ADAM32: variants seen among roughly 807,000 people sequenced by gnomAD.
The protein encoded by ADAM32 is disintegrin and metalloproteinase domain-containing protein 32.
Under a neutral mutation model 114.9 loss-of-function variants are expected in ADAM32, and 89 were observed. The ratio of observed to expected loss-of-function variants is 0.77; its 90% confidence interval spans 0.65 to 0.92. ADAM32 has a LOEUF of 0.92. Among genes scored for constraint, ADAM32 ranks in the 40% least tolerant of loss-of-function variants. The pLI, the probability that ADAM32 is intolerant of heterozygous loss-of-function variation, is 0.00. For synonymous variants in ADAM32, 285 were observed against 307.5 expected, an observed-to-expected ratio of 0.93 and a Z score of 0.77; for missense variants, 870 against 932.8, an observed-to-expected ratio of 0.93 and a Z score of 0.88.
rs1162023223 is a variant in ADAM32 at position 39,164,824 on chromosome 8, C to T, written c.655C>T (p.Leu219Phe). 1 of 1,606,002 alleles carries T rather than the reference C, an allele frequency of 6.2e-7. No individual in the cohort carries two copies. The highest frequency in any genetic ancestry group is 1.7e-5 in the Admixed American group (1 of 59,136). The change falls in exon 8 of 25, where the codon CTT becomes TTT. Residue 219 changes from leucine to phenylalanine, a missense_variant. Coordinates refer to ENST00000379907, the MANE Select transcript of ADAM32 (RefSeq NM_145004.7). Reference protein sequence around the residue: ...VTNKVIEIVGLANSMFTQFKV... With the variant: ...VTNKVIEIVGFANSMFTQFKV... The stretch of plus-strand genomic sequence containing the variant: ...AAATAAAGTCATCGAAATTGTTGGC[C>T]TTGCAAATTCAGTAAGTGTTTTCCT...
chr8:39,111,737 A>G (rs1454510708), intron 1 of ADAM32, among the ~76,000 whole-genome samples: 1 of 151,488 alleles, frequency 6.6e-6, no homozygotes, highest in African/African-American at 2.4e-5. Flanking sequence ...AAAAAAAAAA[A>G]AAAAAGGAAA....
At chr8:39,235,007 C>T (rs1016111998) in intron 16 of ADAM32, among the ~76,000 whole-genome samples, 8 of 152,280 alleles carry the variant, frequency 5.3e-5, no homozygotes, top group South Asian at 2.1e-4. Context: ...CCCCCCGCCC[C>T]TCTCTGTCTG....
chr8:39,251,204 G>A (rs1307243779), intron 17 of ADAM32, among the ~76,000 whole-genome samples: 1 of 151,816 alleles, frequency 6.6e-6, no homozygotes, highest in Non-Finnish European at 1.5e-5. Flanking sequence ...TAGAATTGCT[G>A]GGTCATATAG....
At chr8:39,187,203 T>G (rs1806296850) in intron 11 of ADAM32, among the ~76,000 whole-genome samples, 158 bp downstream of exon 11, 1 of 152,226 alleles carries the variant, frequency 6.6e-6, no homozygotes, top group African/African-American at 2.4e-5. Flanking sequence ...GTATAAAGTA[T>G]AAACTAAAGA....
intron 19 of ADAM32, among the ~76,000 whole-genome samples, 170 bp downstream of exon 19, chr8:39,257,513 C>T (rs1242253773): frequency 6.6e-6 from 1 of 151,994 alleles, no homozygotes; most frequent in South Asian, 2.1e-4. Flanking sequence ...ATTTTTAAGA[C>T]ACAAAGATTT....
At chr8:39,278,419 C>T (rs1401409418) in intron 22 of ADAM32, among the ~76,000 whole-genome samples, 1 of 152,174 alleles carries the variant, frequency 6.6e-6, no homozygotes, top group Non-Finnish European at 1.5e-5. Flanking sequence ...CCTAGAATTT[C>T]TCTGCCACCT....
chr8:39,124,199 C>A lies in ADAM32; in HGVS notation c.138+6034C>A, dbSNP rs189511498. On this transcript the variant is annotated intron_variant, in intron 2 of 24. Coordinates refer to ENST00000379907, the MANE Select transcript of ADAM32 (RefSeq NM_145004.7). ...CCTCCCCCAGCTCTCTGACAGGGCC[C>A]ATTGTGTGTTTTTCCCCACTATGCG... Among the ~76,000 whole-genome samples, 436 of 152,112 alleles carry A rather than the reference C, an allele frequency of 2.9e-3. 5 individuals are homozygous for A. Among genetic ancestry groups the A allele is most frequent in the African/African-American group, 0.01 (417 of 41,508 alleles).
At chr8:39,230,397 T>C (rs1809661167) in intron 14 of ADAM32, among the ~76,000 whole-genome samples, 1 of 152,218 alleles carries the variant, frequency 6.6e-6, no homozygotes, top group South Asian at 2.1e-4. Flanking sequence ...TAACTTTAGA[T>C]GCCACACGTA....
chr8:39,244,867 G>A (rs1413525904), intron 16 of ADAM32, among the ~76,000 whole-genome samples: 11 of 152,100 alleles, frequency 7.2e-5, no homozygotes, highest in South Asian at 2.1e-4. Flanking sequence ...AAGATGTGTC[G>A]AAGACTTAAA....
chr8:39,183,194 T>C (rs539488505), intron 10 of ADAM32, among the ~76,000 whole-genome samples: 1 of 152,292 alleles, frequency 6.6e-6, no homozygotes, highest in East Asian at 1.9e-4. Context: ...GGCACCTCCA[T>C]TGGCCAGAAT....
intron 2 of ADAM32, among the ~76,000 whole-genome samples, chr8:39,128,634 T>G (rs1428526217): frequency 6.6e-6 from 1 of 152,160 alleles, no homozygotes; most frequent in African/African-American, 2.4e-5. Flanking sequence ...TACTTCAGTG[T>G]TTTTGTAGTG....
At chr8:39,245,934 C>A in intron 16 of ADAM32, 149 bp from the exon 17 acceptor site, 1 of 593,686 alleles carries the variant, frequency 1.7e-6, no homozygotes, top group Admixed American at 3.4e-5. Flanking sequence ...AAATAAAACA[C>A]CCTTCTGGAA....
chr8:39,193,845 C>T (rs1307981130), intron 11 of ADAM32, among the ~76,000 whole-genome samples: 1 of 152,128 alleles, frequency 6.6e-6, no homozygotes, highest in East Asian at 1.9e-4. Context: ...TTCTCTGGCT[C>T]CTTGAGATTA....
chr8:39,174,976 ACT>A lies in ADAM32; in HGVS notation c.915+4984_915+4985del, dbSNP rs1805432167. ...TGAGTGGGAGTTCATTCATGATTTCACTCTCTGCTTTTCTGTTGTTGGTGTAG... is the reference window on the plus strand; with the variant it reads ...TGAGTGGGAGTTCATTCATGATTTCACTCTGCTTTTCTGTTGTTGGTGTAG... On this transcript the variant is annotated intron_variant, in intron 10 of 24. Transcript: ENST00000379907. 2.0e-5 allele frequency among the ~76,000 whole-genome samples: 3 copies of A among 150,450 alleles called. No homozygotes were observed. The South Asian group carries it at 6.3e-4, about 32-fold the overall frequency.
chr8:39,223,215 G>A lies in ADAM32; in HGVS notation c.1502G>A (p.Arg501His), dbSNP rs762485084. 42 of 1,586,748 alleles carry A rather than the reference G, an allele frequency of 2.6e-5. No individual in the cohort carries two copies. The highest frequency in any genetic ancestry group is 3.1e-5 in the Non-Finnish European group (36 of 1,168,658). ...GGAGACTGCCATGATCTCGATGCAC[G>A]TTGTGAGAGTGTATTTGGAAAAGGT... The part of the protein sequence containing the change: ...YDGDCHDLDA[R>H]CESVFGKGSR... The change falls in exon 14 of 25, where the codon CGT becomes CAT. Residue 501 changes from arginine to histidine, a missense_variant. Coordinates refer to ENST00000379907, the MANE Select transcript of ADAM32 (RefSeq NM_145004.7).
At chr8:39,206,690 C>T (rs1564600523) in intron 11 of ADAM32, among the ~76,000 whole-genome samples, 4 of 152,180 alleles carry the variant, frequency 2.6e-5, no homozygotes. Flanking sequence ...GGGCTATAGA[C>T]ACTGAATCAG....
chr8:39,275,025 C>T lies in ADAM32; in HGVS notation c.2240+675C>T, dbSNP rs572168748. 2.6e-5 allele frequency among the ~76,000 whole-genome samples: 4 copies of T among 152,332 alleles called. No individual in the cohort carries two copies. The South Asian group carries it at 6.2e-4, about 24-fold the overall frequency. On this transcript the variant is annotated intron_variant, in intron 21 of 24. Coordinates refer to ENST00000379907, the MANE Select transcript of ADAM32 (RefSeq NM_145004.7). ...GATTTTTCCATCCAAATTCCTAAGCCAATTTAAGTGCTCCGGGTTCCCGTG... is the reference window on the plus strand; with the variant it reads ...GATTTTTCCATCCAAATTCCTAAGCTAATTTAAGTGCTCCGGGTTCCCGTG...
intron 11 of ADAM32, among the ~76,000 whole-genome samples, chr8:39,195,147 T>A (rs1165932331): frequency 1.3e-5 from 2 of 152,198 alleles, no homozygotes; most frequent in Admixed American, 6.5e-5. Flanking sequence ...TCCCTCTGTC[T>A]GCTCTTATTG....
Position 39,136,665 on chromosome 8 carries a change from A to G in ADAM32, c.147A>G (p.Ile49Met), listed in dbSNP as rs1180896577. Residue 49 changes from isoleucine (I) to methionine (M), a missense_variant, in exon 3 of 25, where the codon ATA (isoleucine) becomes ATG (methionine). Ile to Met is a conservative substitution (Grantham distance 10). Transcript: ENST00000379907. ...TGTTTTGAATTCTCTAGGAACAAATATCCTATATTATTCCAATAGATGAGA... is the reference window on the plus strand; with the variant it reads ...TGTTTTGAATTCTCTAGGAACAAATGTCCTATATTATTCCAATAGATGAGA... ...NDSSEIEYEQ[I>M]SYIIPIDEKL... is the part of the protein sequence containing the mutation. 2.0e-6 allele frequency: 3 copies of G among 1,537,352 alleles called. No homozygotes were observed. Among genetic ancestry groups the G allele is most frequent in the South Asian group, 1.3e-5 (1 of 79,646 alleles).
Sources: allele counts gnomAD v4.1 joint callset (sites outside exome capture counted in the v4.1 genomes callset), GRCh38; gene constraint gnomAD v4.1.1; transcripts MANE v1.5; gene names NCBI Gene and HGNC (gene_info 2026-07-23, HGNC 2026-07-21).